Variants in VPS13B observed in about 807,000 individuals in gnomAD.
VPS13B encodes vacuolar protein sorting 13 homolog B.
Under a neutral mutation model 426.4 loss-of-function variants are expected in VPS13B, and 285 were observed. The observed-to-expected ratio is 0.67, with a 90% CI of 0.61 to 0.74. The LOEUF is 0.74. Ranked by LOEUF, VPS13B falls within the 30% of genes least tolerant of loss-of-function variation. VPS13B has a pLI of 0.00. For synonymous variants in VPS13B, 1,676 were observed against 1,676.4 expected (o/e 1.00, Z 0.01); for missense variants, 4,537 against 4,782.6 (o/e 0.95, Z 1.51).
chr8:99,640,079 A>G (rs186683000), intron 33 of VPS13B, among the ~76,000 whole-genome samples: 1,867 of 145,260 alleles, frequency 0.013, 39 homozygotes, highest in Non-Finnish European at 0.019. Flanking sequence ...AAGAAAAGAA[A>G]AGAAAAGAAA....
chr8:99,575,059 A>G (rs1484701231), intron 31 of VPS13B, among the ~76,000 whole-genome samples: 1 of 152,080 alleles, frequency 6.6e-6, no homozygotes, highest in Non-Finnish European at 1.5e-5. Flanking sequence ...CCAGCTACTC[A>G]GGAGGCCAAG....
intron 54 of VPS13B, among the ~76,000 whole-genome samples, chr8:99,839,774 T>C (rs569263035): frequency 6.6e-6 from 1 of 152,220 alleles, no homozygotes; most frequent in Non-Finnish European, 1.5e-5. Context: ...ATCCCTTCCA[T>C]GACATCTCAC....
chr8:99,033,502 T>C (rs1373352063), intron 2 of VPS13B, among the ~76,000 whole-genome samples: 1 of 152,250 alleles, frequency 6.6e-6, no homozygotes, highest in East Asian at 1.9e-4. Flanking sequence ...TTTTGTTGAT[T>C]GTACTTTCAA....
At chr8:99,086,626 G>T (rs1845822350) in intron 3 of VPS13B, among the ~76,000 whole-genome samples, 1 of 152,182 alleles carries the variant, frequency 6.6e-6, no homozygotes, top group African/African-American at 2.4e-5. Flanking sequence ...GTGATGTACA[G>T]ATGGGGTTTT....
intron 33 of VPS13B, among the ~76,000 whole-genome samples, chr8:99,634,693 A>G (rs1268929220): frequency 1.3e-5 from 2 of 152,038 alleles, no homozygotes; most frequent in African/African-American, 2.4e-5. Flanking sequence ...GTAGTAAGGT[A>G]GTGCATACAG....
chr8:99,393,263 A>C (rs1814539563), intron 21 of VPS13B, among the ~76,000 whole-genome samples: 1 of 152,112 alleles, frequency 6.6e-6, no homozygotes, highest in African/African-American at 2.4e-5. Flanking sequence ...TTTATATGTA[A>C]ACTCATACCA....
At chr8:99,258,193 G>A (rs558569672) in intron 17 of VPS13B, among the ~76,000 whole-genome samples, 47 of 146,584 alleles carry the variant, frequency 3.2e-4, no homozygotes, top group Non-Finnish European at 6.6e-4. Flanking sequence ...CTCTAATATT[G>A]CATCACTTTG....
At chr8:99,050,772 C>G (rs541174852) in intron 3 of VPS13B, among the ~76,000 whole-genome samples, 2 of 152,284 alleles carry the variant, frequency 1.3e-5, no homozygotes, top group African/African-American at 4.8e-5. Context: ...ATTTGCATTT[C>G]TCTGATGGCC....
chr8:99,526,299 T>C (rs1822640643), intron 30 of VPS13B, among the ~76,000 whole-genome samples: 1 of 152,222 alleles, frequency 6.6e-6, no homozygotes, highest in Non-Finnish European at 1.5e-5. Context: ...GAATTTCTTT[T>C]GCTTATTGAG....
chr8:99,324,116 C>T (rs1255065292), intron 19 of VPS13B, among the ~76,000 whole-genome samples: 1 of 152,106 alleles, frequency 6.6e-6, no homozygotes, highest in Non-Finnish European at 1.5e-5. Flanking sequence ...AAGATAAAAG[C>T]AGTAGGAGAT....
chr8:99,530,842 C>A (rs549835345), intron 30 of VPS13B, among the ~76,000 whole-genome samples: 1 of 152,068 alleles, frequency 6.6e-6, no homozygotes, highest in African/African-American at 2.4e-5. Context: ...CTAGGCCACA[C>A]GTAATAAGTG....
At chr8:99,070,880 C>T (rs1157659341) in intron 3 of VPS13B, among the ~76,000 whole-genome samples, 2 of 151,936 alleles carry the variant, frequency 1.3e-5, no homozygotes, top group Non-Finnish European at 2.9e-5. Flanking sequence ...TTGAGAGGTT[C>T]TGATGCATTC....
chr8:99,779,018 A>G lies in VPS13B; in HGVS notation c.7766A>G (p.Gln2589Arg), dbSNP rs760371542. Residue 2589 changes from glutamine to arginine, a missense_variant, in exon 42 of 62, where the codon CAA (glutamine) becomes CGA (arginine). By Grantham distance (43) the Gln-to-Arg change is conservative. Coordinates refer to ENST00000357162, the MANE Select transcript of VPS13B (RefSeq NM_152564.5). ...GTCCATTCACTAAACACTGCAATACAAGCTTGGCAACAGGTATGCACATTC... is the reference window on the plus strand; with the variant it reads ...GTCCATTCACTAAACACTGCAATACGAGCTTGGCAACAGGTATGCACATTC... ...HVVHSLNTAI[Q>R]AWQQNKCPEV... 7 of 1,613,484 alleles carry G rather than the reference A, an allele frequency of 4.3e-6. No homozygotes were observed. The highest frequency in any genetic ancestry group is 1.3e-5 in the African/African-American group (1 of 75,030).
intron 16 of VPS13B, among the ~76,000 whole-genome samples, chr8:99,187,780 G>A (rs1813301592): frequency 6.6e-6 from 1 of 152,108 alleles, no homozygotes; most frequent in Admixed American, 6.6e-5. Flanking sequence ...ACCAGCCTGG[G>A]CAACTAAGTG....
intron 31 of VPS13B, among the ~76,000 whole-genome samples, chr8:99,559,932 A>C (rs1047238702): frequency 6.6e-6 from 1 of 152,140 alleles, no homozygotes; most frequent in Non-Finnish European, 1.5e-5. Context: ...AGTTTTTTCC[A>C]ATTCTGTGAA....
chr8:99,556,715 A>C (rs1195047567), intron 31 of VPS13B, 62 bp downstream of exon 31: 15 of 1,562,706 alleles, frequency 9.6e-6, no homozygotes, highest in Non-Finnish European at 1.1e-5. Flanking sequence ...ATAGTTGGTG[A>C]TACAATCTTT....
chr8:99,249,921 G>T (rs536704854), intron 17 of VPS13B, among the ~76,000 whole-genome samples: 1 of 152,038 alleles, frequency 6.6e-6, no homozygotes, highest in African/African-American at 2.4e-5. Flanking sequence ...GCGGTTGGGG[G>T]TGGTGGGGGA....
chr8:99,691,100 A>G (rs1588626597), intron 35 of VPS13B, among the ~76,000 whole-genome samples: 1 of 152,196 alleles, frequency 6.6e-6, no homozygotes, highest in Admixed American at 6.5e-5. Context: ...TATGAAGGAA[A>G]CCGGGTACAA....
intron 16 of VPS13B, among the ~76,000 whole-genome samples, chr8:99,184,634 C>T (rs549189462): frequency 2.0e-5 from 3 of 152,148 alleles, no homozygotes; most frequent in South Asian, 2.1e-4. Flanking sequence ...TTTTATATCT[C>T]GACAAACAGG....
Sources: allele counts gnomAD v4.1 joint callset (sites outside exome capture counted in the v4.1 genomes callset), GRCh38; gene constraint gnomAD v4.1.1; transcripts MANE v1.5; gene names NCBI Gene and HGNC (gene_info 2026-07-23, HGNC 2026-07-21).